Variants in ACBD6 observed in about 807,000 individuals in gnomAD.
ACBD6 encodes acyl-CoA binding domain containing 6.
In ACBD6, 28 loss-of-function variants were observed where a neutral mutation model predicts 37.2. The observed-to-expected ratio is 0.75, with a 90% CI of 0.56 to 1.03. ACBD6 has a LOEUF of 1.03. Ranked by LOEUF, ACBD6 falls within the 50% of genes least tolerant of loss-of-function variation. The pLI is 0.00. For missense variants in ACBD6, 340 were observed against 337.4 expected (o/e 1.01, Z -0.06); for synonymous variants, 113 against 126.8 (o/e 0.89, Z 0.73).
intron 9 of ACBD6, among the ~76,000 whole-genome samples, chr1:180,279,688 A>AAAC (rs1179761826): frequency 2.0e-5 from 3 of 152,240 alleles, no homozygotes; most frequent in African/African-American, 7.2e-5. Flanking sequence ...AGAGGGACAG[A>AAAC]AACACCTCAT....
intron 4 of ACBD6, among the ~76,000 whole-genome samples, chr1:180,415,831 T>C (rs960587142): frequency 1.3e-5 from 2 of 152,230 alleles, no homozygotes; most frequent in Non-Finnish European, 2.9e-5. Flanking sequence ...ATTTCTATTT[T>C]GTTTAATGTA....
chr1:180,486,544 A>T (rs1364452361), intron 3 of ACBD6, among the ~76,000 whole-genome samples: 1 of 152,258 alleles, frequency 6.6e-6, no homozygotes, highest in Non-Finnish European at 1.5e-5. Flanking sequence ...CTCAACAATG[A>T]ATAAATGGGC....
At chr1:180,327,722 G>A (rs755247028) in intron 6 of ACBD6, among the ~76,000 whole-genome samples, 1 of 152,114 alleles carries the variant, frequency 6.6e-6, no homozygotes, top group African/African-American at 2.4e-5. Context: ...CCTACAGTGT[G>A]GAGTGCAATG....
At chr1:180,283,967 C>T (rs1439883333), downstream of ACBD6, among the ~76,000 whole-genome samples, 3 of 152,048 alleles carry the variant, frequency 2.0e-5, no homozygotes, top group African/African-American at 7.2e-5. Context: ...CGGATAAGGA[C>T]TCGTCTCCCT....
At chr1:180,412,109 CAAA>C (rs57171524) in intron 5 of ACBD6, among the ~76,000 whole-genome samples, 6 of 112,228 alleles carry the variant, frequency 5.3e-5, no homozygotes, top group Admixed American at 9.0e-5. Context: ...TTCTGAAAGG[CAAA>C]AAAAAAAAAA....
At chr1:180,406,338 T>C (rs1429700673) in intron 5 of ACBD6, among the ~76,000 whole-genome samples, 1 of 152,120 alleles carries the variant, frequency 6.6e-6, no homozygotes, top group African/African-American at 2.4e-5. Flanking sequence ...GAACATTTCC[T>C]TGGAGTGTCA....
chr1:180,366,095 A>G (rs929433478), intron 6 of ACBD6, among the ~76,000 whole-genome samples: 2 of 152,244 alleles, frequency 1.3e-5, no homozygotes, highest in Admixed American at 1.3e-4. Context: ...ATAGCCAAAT[A>G]TATTTTATAA....
At chr1:180,334,825 T>A (rs1477201729) in intron 6 of ACBD6, among the ~76,000 whole-genome samples, 1 of 152,084 alleles carries the variant, frequency 6.6e-6, no homozygotes, top group African/African-American at 2.4e-5. Flanking sequence ...AAGGACCTGA[T>A]GGAGCTGAAA....
intron 6 of ACBD6, among the ~76,000 whole-genome samples, chr1:180,381,944 C>T (rs1473070471): frequency 6.6e-6 from 1 of 151,700 alleles, no homozygotes; most frequent in East Asian, 1.9e-4. Flanking sequence ...CCCATCTCTA[C>T]TAAAAAATAC....
chr1:180,330,438 A>G (rs749936148), intron 6 of ACBD6, among the ~76,000 whole-genome samples: 5 of 151,968 alleles, frequency 3.3e-5, no homozygotes, highest in Non-Finnish European at 5.9e-5. Context: ...ACAAACAAAC[A>G]AACAAACAAA....
intron 6 of ACBD6, among the ~76,000 whole-genome samples, chr1:180,321,119 C>G (rs1651053622): frequency 6.6e-6 from 1 of 152,048 alleles, no homozygotes; most frequent in South Asian, 2.1e-4. Context: ...AGATTTGTTT[C>G]TGGGTTCTCT....
At chr1:180,485,067 TC>T (rs1431443818) in intron 3 of ACBD6, among the ~76,000 whole-genome samples, 2 of 149,416 alleles carry the variant, frequency 1.3e-5, no homozygotes, top group African/African-American at 5.0e-5. Flanking sequence ...AGAGTGAGAC[TC>T]TGTCTCAAAA....
rs1291677441 is a variant in ACBD6 at position 180,324,344 on chromosome 1, T to C, written c.664-9622A>G. 7.2e-5 allele frequency among the ~76,000 whole-genome samples: 11 copies of C among 152,130 alleles called. 1 individual carries two copies. On this transcript the variant is annotated intron_variant, in intron 6 of 7. Transcript: ENST00000367595. ...TAGTGAAGGTAGTTTTCTCTGTTGG[T>C]ATATTTTAATGTATTGCTTTTTATT... is the stretch of plus-strand genomic sequence containing the variant.
chr1:180,341,132 C>T (rs1026827574), intron 6 of ACBD6, among the ~76,000 whole-genome samples: 3 of 152,128 alleles, frequency 2.0e-5, no homozygotes, highest in African/African-American at 7.2e-5. Flanking sequence ...CTACTATATA[C>T]CAGGGACAAA....
At chr1:180,450,476 C>T (rs575559627) in intron 3 of ACBD6, among the ~76,000 whole-genome samples, 2 of 152,238 alleles carry the variant, frequency 1.3e-5, no homozygotes, top group African/African-American at 2.4e-5. Context: ...CTGAAAGACT[C>T]GGCCGGGTGC....
At chr1:180,360,074 T>A (rs1012290472) in intron 6 of ACBD6, among the ~76,000 whole-genome samples, 45 of 152,218 alleles carry the variant, frequency 3.0e-4, no homozygotes, top group Non-Finnish European at 1.6e-4. Context: ...AAAAGAACTT[T>A]TTTAATAGGA....
At chr1:180,325,350 A>G (rs115732913) in intron 6 of ACBD6, among the ~76,000 whole-genome samples, 1 of 152,140 alleles carries the variant, frequency 6.6e-6, no homozygotes, top group African/African-American at 2.4e-5. Flanking sequence ...TAATTCTGCT[A>G]TTAAGAGACT....
intron 6 of ACBD6, among the ~76,000 whole-genome samples, chr1:180,375,512 G>A (rs1167502774): frequency 6.6e-6 from 1 of 152,176 alleles, no homozygotes; most frequent in Non-Finnish European, 1.5e-5. Flanking sequence ...TATCTGTAGA[G>A]ATGGGGTCTT....
At chr1:180,462,106 C>G (rs1224549590) in intron 3 of ACBD6, among the ~76,000 whole-genome samples, 1 of 152,018 alleles carries the variant, frequency 6.6e-6, no homozygotes, top group Non-Finnish European at 1.5e-5. Context: ...CGTGGTGGCA[C>G]AGACCTGTAG....
Sources: allele counts gnomAD v4.1 joint callset (sites outside exome capture counted in the v4.1 genomes callset), GRCh38; gene constraint gnomAD v4.1.1; transcripts MANE v1.5; gene names NCBI Gene and HGNC (gene_info 2026-07-23, HGNC 2026-07-21).